Variants in CHST11 observed in about 807,000 individuals in gnomAD.
CHST11 encodes C4S-1.
CHST11 carries 9 observed loss-of-function variants against 30.4 expected under a neutral mutation model. The ratio of observed to expected loss-of-function variants is 0.30; its 90% confidence interval spans 0.18 to 0.52. CHST11 has a LOEUF of 0.52. Ranked by LOEUF, CHST11 falls within the 20% of genes least tolerant of loss-of-function variation. The pLI is 0.97. For synonymous variants in CHST11, 152 were observed against 187.8 expected (o/e 0.81, Z 1.56); for missense variants, 348 against 460.6 (o/e 0.76, Z 2.24).
At chr12:104,479,271 G>A (rs1001571885) in intron 1 of CHST11, among the ~76,000 whole-genome samples, 3 of 152,024 alleles carry the variant, frequency 2.0e-5, no homozygotes, top group Non-Finnish European at 2.9e-5. Flanking sequence ...GTCTCCTCAT[G>A]GTGGCAAGAT....
At chr12:104,606,782 T>C (rs2076860587) in intron 2 of CHST11, among the ~76,000 whole-genome samples, 1 of 152,108 alleles carries the variant, frequency 6.6e-6, no homozygotes, top group African/African-American at 2.4e-5. Flanking sequence ...CTGTAAACAA[T>C]TACAGGCTGG....
At chr12:104,601,676 A>C (rs2038958040) in intron 1 of CHST11, among the ~76,000 whole-genome samples, 2 of 152,070 alleles carry the variant, frequency 1.3e-5, no homozygotes, top group Non-Finnish European at 2.9e-5. Flanking sequence ...TGCTGGGGAG[A>C]CTTTTTAGCA....
chr12:104,683,520 C>A (rs1453466416), intron 2 of CHST11, among the ~76,000 whole-genome samples: 1 of 152,066 alleles, frequency 6.6e-6, no homozygotes, highest in Non-Finnish European at 1.5e-5. Flanking sequence ...TTGGGAGCAA[C>A]TTTGTGGGGT....
chr12:104,601,931 G>A lies in CHST11; in HGVS notation c.144G>A (p.Val48=), dbSNP rs1249058864. The change falls in exon 2 of 3, where the codon GTG becomes GTA. Residue 48 remains valine (V), a synonymous_variant. Coordinates refer to ENST00000303694, the MANE Select transcript of CHST11 (RefSeq NM_018413.6). ...TCATGCGGAGGAATCCCTTTGGTGTGGACATCTGCTGCCGGAAGGGGTCCC... is the reference window on the plus strand; with the variant it reads ...TCATGCGGAGGAATCCCTTTGGTGTAGACATCTGCTGCCGGAAGGGGTCCC... ...HPVMRRNPFG[V]DICCRKGSRS... is the part of the protein sequence containing the mutation. 1 of 1,613,984 alleles carries A rather than the reference G, an allele frequency of 6.2e-7. No homozygotes were observed. The highest frequency in any genetic ancestry group is 1.7e-5 in the Admixed American group (1 of 60,024).
At chr12:104,698,921 T>C (rs181807885) in intron 2 of CHST11, among the ~76,000 whole-genome samples, 13 of 152,346 alleles carry the variant, frequency 8.5e-5, no homozygotes, top group Admixed American at 7.2e-4. Flanking sequence ...ATATTGTCTT[T>C]AATTCTGACG....
chr12:104,476,773 T>A (rs2037567163), intron 1 of CHST11, among the ~76,000 whole-genome samples: 2 of 151,860 alleles, frequency 1.3e-5, no homozygotes, highest in Non-Finnish European at 2.9e-5. Flanking sequence ...CTCCTTTGAT[T>A]AAGCTGTCAT....
At chr12:104,535,280 C>G (rs2038226450) in intron 1 of CHST11, among the ~76,000 whole-genome samples, 1 of 152,188 alleles carries the variant, frequency 6.6e-6, no homozygotes. Context: ...AATGGTAGGT[C>G]AAGTCTGAGA....
intron 2 of CHST11, among the ~76,000 whole-genome samples, chr12:104,722,996 G>A (rs538507152): frequency 2.6e-5 from 4 of 152,228 alleles, no homozygotes; most frequent in South Asian, 4.1e-4. Context: ...CAGTTCTCAG[G>A]GGGGTGGTGC....
At chr12:104,652,751 T>C (rs1049682812) in intron 2 of CHST11, among the ~76,000 whole-genome samples, 4 of 152,228 alleles carry the variant, frequency 2.6e-5, no homozygotes, top group Non-Finnish European at 5.9e-5. Flanking sequence ...AAGCTGCTAA[T>C]GGATGAGTCT....
At position 104,470,187 on chromosome 12, in the gene CHST11, C is replaced by T. The variant is rs1030133290; in HGVS notation, c.118+12658C>T. 3.3e-5 allele frequency among the ~76,000 whole-genome samples: 5 copies of T among 152,144 alleles called. No homozygotes were observed. In the South Asian group the frequency reaches 1.0e-3, roughly 32 times the overall value. On this transcript the variant is annotated intron_variant, in intron 1 of 2. Coordinates refer to ENST00000303694, the MANE Select transcript of CHST11 (RefSeq NM_018413.6). Reference sequence around the variant, plus strand: ...TAGGCCAGCTCAAAATATCAATAGTCGGGAAACCCTGTATTAGTCTGTTCT... The same window carrying T: ...TAGGCCAGCTCAAAATATCAATAGTTGGGAAACCCTGTATTAGTCTGTTCT...
intron 1 of CHST11, among the ~76,000 whole-genome samples, chr12:104,496,152 T>G (rs1015320137): frequency 6.6e-6 from 1 of 152,244 alleles, no homozygotes; most frequent in Non-Finnish European, 1.5e-5. Context: ...AACATTTTTT[T>G]CTTGACACTA....
At chr12:104,754,680 T>C (rs1157836347) in intron 2 of CHST11, among the ~76,000 whole-genome samples, 1 of 152,116 alleles carries the variant, frequency 6.6e-6, no homozygotes, top group Non-Finnish European at 1.5e-5. Context: ...AGTGTCAGTG[T>C]CAGACTGCAA....
chr12:104,513,145 T>TGGGGGGGGGGG (rs1565969854), intron 1 of CHST11, among the ~76,000 whole-genome samples: 1 of 7,612 alleles, frequency 1.3e-4, no homozygotes, highest in Non-Finnish European at 2.3e-4. Context: ...GGGTTGGGGG[T>TGGGGGGGGGGG]GGGGAGGGAG....
chr12:104,591,989 T>A (rs1400899412), intron 1 of CHST11, among the ~76,000 whole-genome samples: 1 of 140,976 alleles, frequency 7.1e-6, no homozygotes, highest in East Asian at 2.3e-4. Flanking sequence ...CAGCAGTGTG[T>A]CCTTGGACAG....
At position 104,601,947 on chromosome 12, in the gene CHST11, A is replaced by G; in HGVS notation, c.160A>G (p.Lys54Glu). Residue 54 changes from lysine (K) to glutamate (E), a missense_variant, in exon 2 of 3, where the codon AAG (lysine) becomes GAG (glutamate). By Grantham distance (56) the Lys-to-Glu change is moderately conservative. Around this residue, in one of 3 missense-constraint regions of CHST11, gnomAD observed 135 missense variants for 155.8 expected, o/e 0.87. Transcript: ENST00000303694. Reference sequence around the variant, plus strand: ...CTTTGGTGTGGACATCTGCTGCCGGAAGGGGTCCCGAAGCCCCCTGCAGGA... The same window carrying G: ...CTTTGGTGTGGACATCTGCTGCCGGGAGGGGTCCCGAAGCCCCCTGCAGGA... ...NPFGVDICCRKGSRSPLQELY... is the reference protein window; with the variant it reads ...NPFGVDICCREGSRSPLQELY... The G allele has an allele frequency of 1.2e-6, 2 of 1,613,964 alleles. No homozygotes were observed. The highest frequency in any genetic ancestry group is 1.7e-6 in the Non-Finnish European group (2 of 1,179,994).
At chr12:104,656,064 T>A (rs2039541167) in intron 2 of CHST11, among the ~76,000 whole-genome samples, 1 of 152,246 alleles carries the variant, frequency 6.6e-6, no homozygotes, top group South Asian at 2.1e-4. Context: ...TTCCTAGACC[T>A]AGAAAGCAAG....
At position 104,600,351 on chromosome 12, in the gene CHST11, C is replaced by T. The variant is rs74892409; in HGVS notation, c.119-1555C>T. 3.8e-3 allele frequency among the ~76,000 whole-genome samples: 579 copies of T among 152,276 alleles called. 1 individual carries two copies. Among genetic ancestry groups the T allele is most frequent in the African/African-American group, 0.013 (554 of 41,550 alleles). ...GCCCTCCCAGTCATTTGAGCTGCAC[C>T]CTGCTTGAGGTCTGGTCACTCCTCA... On this transcript the variant is annotated intron_variant, in intron 1 of 2. Transcript: ENST00000303694. This position sits in a 1 kb window ranked among gnomAD's most constrained non-coding sequence, Gnocchi z 4.1.
chr12:104,611,454 C>T (rs977621259), intron 2 of CHST11, among the ~76,000 whole-genome samples: 6 of 152,334 alleles, frequency 3.9e-5, no homozygotes, highest in East Asian at 1.9e-4. Context: ...TCATTTAAAA[C>T]GATTCCACCA....
chr12:104,571,883 G>A (rs577408153), intron 1 of CHST11, among the ~76,000 whole-genome samples: 21 of 152,230 alleles, frequency 1.4e-4, no homozygotes, highest in African/African-American at 2.4e-4. Flanking sequence ...TTTGAGATAC[G>A]TCCCATCAAT....
Sources: gnomAD v4.1 joint callset for allele counts (sites outside exome capture counted in the v4.1 genomes callset) on GRCh38, gnomAD v4.1.1 for gene constraint, gnomAD v4.1.1 regional missense constraint, Gnocchi (gnomAD v3.1) non-coding constraint, MANE v1.5 for transcripts, NCBI Gene and HGNC (gene_info 2026-07-23, HGNC 2026-07-21) for gene names.